The following SLC39A11 variants were observed in gnomAD, a reference collection of about 807,000 sequenced individuals.
SLC39A11 encodes zinc transporter ZIP11.
SLC39A11 carries 33 observed loss-of-function variants against 36.1 expected under a neutral mutation model. The ratio of observed to expected loss-of-function variants is 0.91; its 90% CI spans 0.69 to 1.22. The LOEUF is 1.22. Ranked by LOEUF, SLC39A11 falls within the 50% of genes most tolerant of loss-of-function variation. The pLI, the probability that SLC39A11 is intolerant of heterozygous loss-of-function variation, is 0.00. For synonymous variants in SLC39A11, 166 were observed against 170.3 expected (o/e 0.97, Z 0.20); for missense variants, 432 against 430.3 (o/e 1.00, Z -0.03).
chr17:72,862,124 CA>C (rs2080072435), intron 5 of SLC39A11, among the ~76,000 whole-genome samples: 1 of 152,118 alleles, frequency 6.6e-6, no homozygotes, highest in African/African-American at 2.4e-5. Context: ...ATTGCCTTTT[CA>C]AAAGATGGCT....
intron 4 of SLC39A11, among the ~76,000 whole-genome samples, chr17:73,026,704 T>C (rs1302620495): frequency 6.6e-6 from 1 of 152,126 alleles, no homozygotes; most frequent in Non-Finnish European, 1.5e-5. Flanking sequence ...ATTTTTGTAC[T>C]GTATTGATGC....
chr17:73,043,331 T>G (rs1356729657), intron 3 of SLC39A11, among the ~76,000 whole-genome samples: 2 of 152,114 alleles, frequency 1.3e-5, no homozygotes, highest in African/African-American at 4.8e-5. Flanking sequence ...GGTATAATGA[T>G]GAAACCAGGC....
At chr17:72,716,980 A>ATATAT (rs1555646773) in intron 7 of SLC39A11, among the ~76,000 whole-genome samples, 12 of 130,476 alleles carry the variant, frequency 9.2e-5, no homozygotes, top group Non-Finnish European at 1.9e-4. Flanking sequence ...AAAAAAAAAA[A>ATATAT]ATATATATAT....
At chr17:72,952,434 G>A (rs2085928560) in intron 4 of SLC39A11, among the ~76,000 whole-genome samples, 1 of 152,156 alleles carries the variant, frequency 6.6e-6, no homozygotes, top group East Asian at 1.9e-4. Flanking sequence ...TGGCAAAGTG[G>A]CTCTCAACCT....
intron 5 of SLC39A11, among the ~76,000 whole-genome samples, chr17:72,942,777 T>C (rs1164932150): frequency 6.6e-6 from 1 of 152,194 alleles, no homozygotes; most frequent in African/African-American, 2.4e-5. Flanking sequence ...GAGAACCAGC[T>C]GCTTCAGAGA....
chr17:72,867,240 C>A (rs541872176), intron 5 of SLC39A11, among the ~76,000 whole-genome samples: 1 of 152,282 alleles, frequency 6.6e-6, no homozygotes, highest in Admixed American at 6.5e-5. Context: ...TGGCTCACAC[C>A]TGTAATCCCA....
At position 72,920,947 on chromosome 17, in the gene SLC39A11, C is replaced by T. The variant is rs774428677; in HGVS notation, c.430+26805G>A. Among the ~76,000 whole-genome samples the T allele has an allele frequency of 5.9e-5, 9 of 152,122 alleles. No homozygotes were observed. In the South Asian group the frequency reaches 6.2e-4, roughly 10 times the overall value. On this transcript the variant is annotated intron_variant, in intron 5 of 9. Coordinates refer to ENST00000255559, the MANE Select transcript of SLC39A11 (RefSeq NM_139177.4). Reference sequence around the variant, plus strand: ...CTCCTTAGCAGTCAACACCATCTAACGCACTATGTATTTTGCTCATTTAGA... The same window carrying T: ...CTCCTTAGCAGTCAACACCATCTAATGCACTATGTATTTTGCTCATTTAGA...
In SLC39A11 at chr17:73,029,568, C is replaced by CA. The variant is rs1015959727; in HGVS notation, c.306+1987dup. The stretch of plus-strand genomic sequence containing the variant: ...AAGCCACATGTCCAGGGGACGGAGA[C>CA]AGACACGGCCACTCAATCTTTTTTT... On this transcript the variant is annotated intron_variant, in intron 4 of 9. Transcript: ENST00000255559. 3.9e-5 allele frequency among the ~76,000 whole-genome samples: 6 copies of CA among 152,054 alleles called. No homozygotes were observed. In the East Asian group the frequency reaches 1.2e-3, roughly 29 times the overall value.
In SLC39A11 at chr17:72,797,304, T is replaced by C. The variant is rs776938738; in HGVS notation, c.601+52330A>G. Among the ~76,000 whole-genome samples the C allele has an allele frequency of 7.9e-5, 12 of 152,028 alleles. 1 individual carries two copies. The highest frequency in any genetic ancestry group is 1.2e-4 in the Non-Finnish European group (8 of 68,032). On this transcript the variant is annotated intron_variant, in intron 6 of 9. Transcript: ENST00000255559. The stretch of plus-strand genomic sequence containing the variant: ...CCATCTATTCTACTGCTGGAGGCAA[T>C]ACGGAGCCTCTGCAGGGCTCAGTGT...
At chr17:72,861,316 A>G (rs1047847471) in intron 5 of SLC39A11, among the ~76,000 whole-genome samples, 4 of 152,156 alleles carry the variant, frequency 2.6e-5, no homozygotes, top group African/African-American at 9.7e-5. Context: ...TAAAGATAAT[A>G]GAGATTTTCC....
At chr17:72,883,767 G>A (rs1267407514) in intron 5 of SLC39A11, among the ~76,000 whole-genome samples, 1 of 152,210 alleles carries the variant, frequency 6.6e-6, no homozygotes, top group African/African-American at 2.4e-5. Context: ...CCTTATTGTG[G>A]AGGGAAGGGG....
At chr17:72,977,219 C>G (rs796278740) in intron 4 of SLC39A11, among the ~76,000 whole-genome samples, 6 of 152,072 alleles carry the variant, frequency 3.9e-5, no homozygotes, top group African/African-American at 7.2e-5. Context: ...GGAATGTGGA[C>G]GGCCCCAAGG....
chr17:72,649,550 C>T (rs1037501411), intron 7 of SLC39A11, among the ~76,000 whole-genome samples: 8 of 152,240 alleles, frequency 5.3e-5, no homozygotes, highest in African/African-American at 1.9e-4. Context: ...CACTGGCTGG[C>T]TCTCAGGGTG....
chr17:72,649,056 A>G, intron 8 of SLC39A11, 95 bp from the exon 9 acceptor site: 8 of 1,543,154 alleles, frequency 5.2e-6, no homozygotes, highest in Non-Finnish European at 6.2e-6. Context: ...ACATGGATGC[A>G]TGCCATTCTA....
intron 6 of SLC39A11, among the ~76,000 whole-genome samples, chr17:72,819,997 G>A (rs1011174628): frequency 2.6e-5 from 4 of 151,070 alleles, no homozygotes; most frequent in African/African-American, 9.7e-5. Context: ...AAGGGGACAG[G>A]ACTCTAGGGA....
chr17:72,962,726 G>A (rs1263736606), intron 4 of SLC39A11, among the ~76,000 whole-genome samples: 2 of 152,222 alleles, frequency 1.3e-5, no homozygotes, highest in East Asian at 1.9e-4. Context: ...TAGTAGAGAC[G>A]GGGTTTCATC....
intron 6 of SLC39A11, among the ~76,000 whole-genome samples, chr17:72,801,654 C>T (rs530543521): frequency 4.9e-4 from 75 of 152,194 alleles, no homozygotes; most frequent in Admixed American, 1.0e-3. Context: ...ACAAAGCTGT[C>T]TAAAAATTTA....
Position 73,080,955 on chromosome 17 carries a change from A to T in SLC39A11, c.147+3853T>A, listed in dbSNP as rs543915030. Among the ~76,000 whole-genome samples the T allele has an allele frequency of 5.6e-3, 821 of 147,042 alleles. 7 individuals are homozygous for T. The highest frequency in any genetic ancestry group is 8.6e-3 in the Non-Finnish European group (575 of 66,710). Reference sequence around the variant, plus strand: ...GTGAGGCTCCATGTCAAAAAACAATAAAATAAATAAATAAATAAATAAATA... The same window carrying T: ...GTGAGGCTCCATGTCAAAAAACAATTAAATAAATAAATAAATAAATAAATA... On this transcript the variant is annotated intron_variant, in intron 3 of 9. Coordinates refer to ENST00000255559, the MANE Select transcript of SLC39A11 (RefSeq NM_139177.4).
intron 3 of SLC39A11, among the ~76,000 whole-genome samples, chr17:73,066,271 A>G (rs1437074710): frequency 6.6e-6 from 1 of 152,000 alleles, no homozygotes; most frequent in Admixed American, 6.5e-5. Context: ...AGGCCCTTAT[A>G]CTCTCCAGTC....
Sources: allele counts gnomAD v4.1 joint callset (sites outside exome capture counted in the v4.1 genomes callset), GRCh38; gene constraint gnomAD v4.1.1; transcripts MANE v1.5; gene names NCBI Gene and HGNC (gene_info 2026-07-23, HGNC 2026-07-21).